The following THADA variants were observed in gnomAD, a reference collection of about 807,000 sequenced individuals.
THADA encodes the protein tRNA (32-2'-O)-methyltransferase regulator THADA.
Under a neutral mutation model 219.8 loss-of-function variants are expected in THADA, and 213 were observed. The ratio of observed to expected loss-of-function variants is 0.97; its 90% CI spans 0.87 to 1.09. THADA has a LOEUF of 1.09. Among genes scored for constraint, THADA ranks in the 50% least tolerant of loss-of-function variants. THADA has a pLI of 0.00. For synonymous variants in THADA, 1,018 were observed against 828.9 expected, an observed-to-expected ratio of 1.23 and a Z score of -3.92; for missense variants, 2,956 against 2,311.3, an observed-to-expected ratio of 1.28 and a Z score of -5.72.
At chr2:43,587,681 C>A (rs905418913) in intron 4 of THADA, among the ~76,000 whole-genome samples, 2 of 152,186 alleles carry the variant, frequency 1.3e-5, no homozygotes, top group Non-Finnish European at 2.9e-5. Context: ...TGTCCCCTTT[C>A]CTTCCTTCCC....
chr2:43,342,535 C>CTG (rs1667174122), intron 30 of THADA, among the ~76,000 whole-genome samples: 1 of 152,172 alleles, frequency 6.6e-6, no homozygotes, highest in Non-Finnish European at 1.5e-5. Flanking sequence ...TTTCATATTG[C>CTG]TGTGTCTCTG....
At chr2:43,441,410 T>C (rs1480338497) in intron 26 of THADA, among the ~76,000 whole-genome samples, 1 of 152,220 alleles carries the variant, frequency 6.6e-6, no homozygotes, top group African/African-American at 2.4e-5. Context: ...TGGTTAAATA[T>C]TTACATAGTA....
intron 29 of THADA, among the ~76,000 whole-genome samples, chr2:43,357,137 A>G (rs1668955202): frequency 6.6e-6 from 1 of 152,262 alleles, no homozygotes; most frequent in Admixed American, 6.5e-5. Context: ...TTAGCAAAGA[A>G]CATAAACAAA....
intron 26 of THADA, among the ~76,000 whole-genome samples, chr2:43,451,145 T>C (rs1443467142): frequency 6.6e-6 from 1 of 152,152 alleles, no homozygotes; most frequent in African/African-American, 2.4e-5. Context: ...GCTATTAAAT[T>C]AAAACAAAGA....
In THADA at chr2:43,574,437, G is replaced by C; in HGVS notation, c.1628C>G (p.Ser543Cys). 1.2e-6 allele frequency: 2 copies of C among 1,612,560 alleles called. No individual in the cohort carries two copies. Among genetic ancestry groups the C allele is most frequent in the Non-Finnish European group, 1.7e-6 (2 of 1,179,162 alleles). ...ILCEGNLDQK[S>C]YVIDYYLPKL... ...TGGCAAGTAATAATCAATCACGTAA[G>C]ATTTTTGATCCAAGTTTCCTTCACA... The change falls in exon 11 of 38, where the codon TCT becomes TGT. Residue 543 changes from serine to cysteine, a missense_variant. Transcript: ENST00000405975.
At chr2:43,292,752 G>T (rs1266670862) in intron 32 of THADA, 82 bp downstream of exon 32, 23 of 1,522,400 alleles carry the variant, frequency 1.5e-5, no homozygotes, top group Non-Finnish European at 1.9e-5. Flanking sequence ...ACCCAATCTT[G>T]CCTTCATGAT....
intron 14 of THADA, among the ~76,000 whole-genome samples, chr2:43,567,242 A>C (rs1698795523): frequency 6.6e-6 from 1 of 152,158 alleles, no homozygotes; most frequent in African/African-American, 2.4e-5. Context: ...TTATTAGGTT[A>C]TTAATTCTAT....
chr2:43,319,878 G>T lies in THADA; in HGVS notation c.4438+568C>A, dbSNP rs371909531. On this transcript the variant is annotated intron_variant, in intron 31 of 37. Coordinates refer to ENST00000405975, the MANE Select transcript of THADA (RefSeq NM_022065.5). Reference sequence around the variant, plus strand: ...CATCAAAAAAATTTTATTTGGAGTTGCCATTTTCCCTTAAAAAAGAAAAAC... The same window carrying T: ...CATCAAAAAAATTTTATTTGGAGTTTCCATTTTCCCTTAAAAAAGAAAAAC... 1.8e-4 allele frequency among the ~76,000 whole-genome samples: 27 copies of T among 152,240 alleles called. No individual in the cohort carries two copies. In the East Asian group the frequency reaches 2.9e-3, roughly 16 times the overall value.
intron 22 of THADA, among the ~76,000 whole-genome samples, chr2:43,516,333 T>C (rs1691719325): frequency 6.6e-6 from 1 of 152,154 alleles, no homozygotes; most frequent in African/African-American, 2.4e-5. Context: ...ACACAATGTC[T>C]TAGGCTGTCT....
At chr2:43,292,747 A>G (rs923790168) in intron 32 of THADA, 87 bp downstream of exon 32, 32 of 1,518,762 alleles carry the variant, frequency 2.1e-5, no homozygotes, top group Non-Finnish European at 2.6e-5. Flanking sequence ...CCTAAACCCA[A>G]TCTTGCCTTC....
At chr2:43,394,826 C>T (rs767050614) in intron 29 of THADA, among the ~76,000 whole-genome samples, 50 of 152,178 alleles carry the variant, frequency 3.3e-4, no homozygotes, top group Non-Finnish European at 5.1e-4. Flanking sequence ...ATCTGTCTGA[C>T]AAACATGAAT....
chr2:43,263,563 G>A (rs1412734181), intron 36 of THADA, among the ~76,000 whole-genome samples: 1 of 152,084 alleles, frequency 6.6e-6, no homozygotes, highest in African/African-American at 2.4e-5. Flanking sequence ...ACATGCTAAG[G>A]ATGAGAAGCA....
chr2:43,231,895 A>C (rs570770468), intron 37 of THADA, among the ~76,000 whole-genome samples: 9 of 152,196 alleles, frequency 5.9e-5, no homozygotes, highest in Admixed American at 2.0e-4. Flanking sequence ...GATGCCAAGA[A>C]GGCCAGCTGA....
chr2:43,436,321 G>T (rs1316618005), intron 26 of THADA, among the ~76,000 whole-genome samples: 2 of 152,152 alleles, frequency 1.3e-5, no homozygotes, highest in Admixed American at 6.5e-5. Flanking sequence ...ATGGGAGGAA[G>T]AACATAAATG....
At chr2:43,264,952 C>A (rs958001095) in intron 36 of THADA, among the ~76,000 whole-genome samples, 3 of 152,206 alleles carry the variant, frequency 2.0e-5, no homozygotes, top group Non-Finnish European at 4.4e-5. Context: ...ACACTTTCAG[C>A]ATGGATGGAA....
chr2:43,574,322 T>A lies in THADA; in HGVS notation c.1729+14A>T, dbSNP rs757658569. ...TAATTAGAAACTACTAAAACAAAAATGCATTTTTCTTACCAGTTTTAGCAT... is the reference window on the plus strand; with the variant it reads ...TAATTAGAAACTACTAAAACAAAAAAGCATTTTTCTTACCAGTTTTAGCAT... On this transcript the variant is annotated intron_variant, in intron 11 of 37. Transcript: ENST00000405975. 1 of 1,505,758 alleles carries A rather than the reference T, an allele frequency of 6.6e-7. No individual in the cohort carries two copies. Among genetic ancestry groups the A allele is most frequent in the African/African-American group, 1.4e-5 (1 of 71,702 alleles). The allele number at this position is 1,505,758 out of a possible 1,614,324, so 93.3% of individuals were successfully genotyped here. A position where few individuals can be genotyped will look rare whatever the true frequency, so the allele number is the denominator to read the frequency against.
At chr2:43,541,639 G>A (rs1280703704) in intron 20 of THADA, among the ~76,000 whole-genome samples, 2 of 151,866 alleles carry the variant, frequency 1.3e-5, no homozygotes, top group Non-Finnish European at 2.9e-5. Context: ...CTCCCTAGTA[G>A]CTGGGACTAC....
chr2:43,523,680 C>T (rs143453576), intron 22 of THADA, among the ~76,000 whole-genome samples: 2 of 152,244 alleles, frequency 1.3e-5, no homozygotes, highest in African/African-American at 4.8e-5. Context: ...TGAGTCAGTA[C>T]TAGTATTTAA....
intron 36 of THADA, among the ~76,000 whole-genome samples, chr2:43,254,901 C>T (rs1443497069): frequency 1.3e-5 from 2 of 152,202 alleles, no homozygotes; most frequent in South Asian, 4.1e-4. Flanking sequence ...TTGTCTCCTG[C>T]ACTCTTTGGT....
Sources: gnomAD v4.1 joint callset for allele counts (sites outside exome capture counted in the v4.1 genomes callset) on GRCh38, gnomAD v4.1.1 for gene constraint, MANE v1.5 for transcripts, NCBI Gene and HGNC (gene_info 2026-07-23, HGNC 2026-07-21) for gene names.